BCL2: variants seen among roughly 807,000 people sequenced by gnomAD.
BCL2 encodes apoptosis regulator Bcl-2.
BCL2 carries 1 observed loss-of-function variant against 14.2 expected under a neutral mutation model. The observed-to-expected ratio is 0.07, with a 90% CI of 0.02 to 0.33. The LOEUF is 0.33. Ranked by LOEUF, BCL2 falls within the 10% of genes least tolerant of loss-of-function variation. The probability of loss-of-function intolerance (pLI) is 0.99; values close to 1 mark genes in which losing one functional copy is unlikely to be tolerated. For synonymous variants in BCL2, 151 were observed against 137.2 expected, an observed-to-expected ratio of 1.10 and a Z score of -0.70; for missense variants, 247 against 305.9, an observed-to-expected ratio of 0.81 and a Z score of 1.44.
intron 2 of BCL2, among the ~76,000 whole-genome samples, chr18:63,281,740 A>AAAGAAAG (rs1568256937): frequency 9.7e-5 from 14 of 144,794 alleles, no homozygotes; most frequent in Admixed American, 6.2e-4. Context: ...AAGAAAGAAA[A>AAAGAAAG]AGAGAGAGGA....
At chr18:63,274,049 C>A (rs1388272056) in intron 2 of BCL2, among the ~76,000 whole-genome samples, 1 of 152,144 alleles carries the variant, frequency 6.6e-6, no homozygotes, top group Non-Finnish European at 1.5e-5. Flanking sequence ...TTACATTGTA[C>A]TTCCTCAATC....
At chr18:63,180,847 T>C (rs1416050681) in intron 2 of BCL2, among the ~76,000 whole-genome samples, 1 of 152,124 alleles carries the variant, frequency 6.6e-6, no homozygotes, top group Admixed American at 6.6e-5. Context: ...TTTCCTATTA[T>C]AGTTACAGCA....
intron 2 of BCL2, among the ~76,000 whole-genome samples, chr18:63,137,896 C>T (rs1039298143): frequency 3.9e-5 from 6 of 152,138 alleles, no homozygotes; most frequent in Admixed American, 6.5e-5. Context: ...GCAGGGGAGA[C>T]GACCAGAGGT....
At chr18:63,251,792 G>A (rs191075355) in intron 2 of BCL2, among the ~76,000 whole-genome samples, 84 of 150,990 alleles carry the variant, frequency 5.6e-4, no homozygotes, top group Admixed American at 1.6e-3. Flanking sequence ...TCCACCTTCC[G>A]GGTTCAAGCG....
chr18:63,188,536 T>C (rs1222002134), intron 2 of BCL2, among the ~76,000 whole-genome samples: 1 of 152,166 alleles, frequency 6.6e-6, no homozygotes, highest in East Asian at 1.9e-4. Flanking sequence ...TTTAATTATA[T>C]AGGTGATAGA....
intron 2 of BCL2, among the ~76,000 whole-genome samples, chr18:63,138,199 C>T (rs1293263090): frequency 2.6e-5 from 4 of 152,244 alleles, no homozygotes; most frequent in East Asian, 1.9e-4. Context: ...GGGAGCAAGC[C>T]GCACTGGCGG....
rs766535020 is a variant in BCL2 at position 63,238,897 on chromosome 18, C to T, written c.585+79185G>A. On this transcript the variant is annotated intron_variant, in intron 2 of 2. Coordinates refer to ENST00000333681, the MANE Select transcript of BCL2 (RefSeq NM_000633.3). ...TCCCCATCTGTCTATTGTGAAAGGA[C>T]CAGGAAACGCTGGGAGACGGGCTGG... Among the ~76,000 whole-genome samples the T allele has an allele frequency of 2.0e-5, 3 of 152,132 alleles. No homozygotes were observed. In the South Asian group the frequency reaches 6.2e-4, roughly 32 times the overall value.
At chr18:63,274,277 CTTTTTTTTTTTTT>C (rs74169950) in intron 2 of BCL2, among the ~76,000 whole-genome samples, 21 of 86,754 alleles carry the variant, frequency 2.4e-4, no homozygotes, top group Admixed American at 2.1e-3. Context: ...TAAAGATACT[CTTTTTTTTTTTTT>C]TTTTTTTTTT....
chr18:63,255,749 C>G (rs759852987), intron 2 of BCL2, among the ~76,000 whole-genome samples: 5 of 151,774 alleles, frequency 3.3e-5, no homozygotes, highest in African/African-American at 4.8e-5. Flanking sequence ...AGGACCTCAT[C>G]GATGTTTTAA....
chr18:63,304,830 C>T (rs1356032206), intron 2 of BCL2, among the ~76,000 whole-genome samples: 1 of 152,114 alleles, frequency 6.6e-6, no homozygotes, highest in Admixed American at 6.5e-5. Context: ...CTAATTACAA[C>T]CTTTGAAAAT....
At chr18:63,282,890 TC>T (rs1912355515) in intron 2 of BCL2, among the ~76,000 whole-genome samples, 2 of 152,188 alleles carry the variant, frequency 1.3e-5, no homozygotes, top group South Asian at 2.1e-4. Context: ...ATTCAGTGAT[TC>T]CATTCCATTT....
At chr18:63,183,794 G>A (rs1321881517) in intron 2 of BCL2, among the ~76,000 whole-genome samples, 1 of 152,126 alleles carries the variant, frequency 6.6e-6, no homozygotes, top group Non-Finnish European at 1.5e-5. Context: ...GTAAACATTT[G>A]CCTGGAGAGA....
At position 63,227,258 on chromosome 18, in the gene BCL2, G is replaced by T. The variant is rs115116847; in HGVS notation, c.585+90824C>A. 7.0e-3 allele frequency among the ~76,000 whole-genome samples: 1,061 copies of T among 152,316 alleles called. 14 individuals are homozygous for T. Among genetic ancestry groups the T allele is most frequent in the African/African-American group, 0.024 (996 of 41,556 alleles). ...CAAGAGTGAATTAAAGATACTTTCA[G>T]TCAGAGACTGAGATGCTTTAATATT... On this transcript the variant is annotated intron_variant, in intron 2 of 2. Coordinates refer to ENST00000333681, the MANE Select transcript of BCL2 (RefSeq NM_000633.3).
chr18:63,246,655 A>T (rs1249558428), intron 2 of BCL2, among the ~76,000 whole-genome samples: 2 of 152,172 alleles, frequency 1.3e-5, no homozygotes, highest in African/African-American at 4.8e-5. Context: ...TTGGGTGGGG[A>T]CACAGCCAAA....
intron 2 of BCL2, among the ~76,000 whole-genome samples, chr18:63,216,947 C>T (rs1181926347): frequency 6.6e-6 from 1 of 152,180 alleles, no homozygotes; most frequent in African/African-American, 2.4e-5. Context: ...TTTTGTTAGA[C>T]ACATTCAGGG....
At chr18:63,284,139 A>T (rs1226521779) in intron 2 of BCL2, among the ~76,000 whole-genome samples, 1 of 152,160 alleles carries the variant, frequency 6.6e-6, no homozygotes, top group Non-Finnish European at 1.5e-5. Context: ...TTTAAAAAAT[A>T]CTAATTCCTG....
intron 2 of BCL2, among the ~76,000 whole-genome samples, chr18:63,151,835 C>T (rs1914659993): frequency 6.6e-6 from 1 of 152,140 alleles, no homozygotes; most frequent in Non-Finnish European, 1.5e-5. Context: ...CAAACACTGG[C>T]TTTCTGTTAT....
chr18:63,169,336 C>CCTTTCTTTCTTTCTTTCTTT (rs796105554), intron 2 of BCL2, among the ~76,000 whole-genome samples: 3,850 of 61,968 alleles, frequency 0.062, 360 homozygotes, highest in Admixed American at 0.099. Flanking sequence ...TCCTTTCCTT[C>CCTTTCTTTCTTTCTTTCTTT]CTTTCTTTCT....
chr18:63,133,621 G>A (rs1184236173), intron 2 of BCL2, among the ~76,000 whole-genome samples: 1 of 151,966 alleles, frequency 6.6e-6, no homozygotes, highest in Non-Finnish European at 1.5e-5. Context: ...CCTAAAATGA[G>A]AATTTTTTTT....
Sources: gnomAD v4.1 joint callset for allele counts (sites outside exome capture counted in the v4.1 genomes callset) on GRCh38, gnomAD v4.1.1 for gene constraint, MANE v1.5 for transcripts, NCBI Gene and HGNC (gene_info 2026-07-23, HGNC 2026-07-21) for gene names.